The following COL12A1 variants were observed in gnomAD, a reference collection of about 807,000 sequenced individuals.
COL12A1 encodes the protein collagen type XII alpha 1 chain.
A neutral mutation model predicts 349.7 loss-of-function variants in COL12A1; 114 were observed. The ratio of observed to expected loss-of-function variants is 0.33; its 90% CI spans 0.28 to 0.38. COL12A1 has a LOEUF of 0.38. COL12A1 is among the 10% of genes least tolerant of loss of function. The probability of loss-of-function intolerance (pLI) is 1.00; values close to 1 mark genes in which losing one functional copy is unlikely to be tolerated. For synonymous variants in COL12A1, 1,369 were observed against 1,329.0 expected (o/e 1.03, Z -0.66); for missense variants, 3,284 against 3,756.9 (o/e 0.87, Z 3.29).
chr6:75,157,194 G>A (rs534862397), intron 14 of COL12A1, among the ~76,000 whole-genome samples: 11 of 151,986 alleles, frequency 7.2e-5, no homozygotes, highest in East Asian at 5.8e-4. Context: ...TATTAATAAC[G>A]CTATATGAAA....
At chr6:75,201,144 T>C (rs1178423199) in intron 2 of COL12A1, among the ~76,000 whole-genome samples, 1 of 152,212 alleles carries the variant, frequency 6.6e-6, no homozygotes, top group Non-Finnish European at 1.5e-5. Flanking sequence ...TTCTCAACTC[T>C]TTCTGATTTT....
At chr6:75,152,596 G>T in intron 17 of COL12A1, 114 bp from the exon 18 acceptor site, 2 of 1,175,372 alleles carry the variant, frequency 1.7e-6, no homozygotes, top group Admixed American at 3.8e-5. Flanking sequence ...TCAGTACTAT[G>T]GTCTAGCTCA....
At chr6:75,119,504 TAA>T in intron 44 of COL12A1, 31 bp from the exon 45 acceptor site, 1 of 1,578,034 alleles carries the variant, frequency 6.3e-7, no homozygotes, top group Non-Finnish European at 8.6e-7. Flanking sequence ...GCAGTGAGCA[TAA>T]GTCATCTCAT....
rs1768463461 is a variant in COL12A1 at position 75,104,715 on chromosome 6, T to G, written c.8265+491A>C. ...TCTGGTCATAGTCTTCTCACTCAAG[T>G]TATTCCAAACCCAGAGTTTATGATA... is the stretch of plus-strand genomic sequence containing the variant. On this transcript the variant is annotated intron_variant, in intron 54 of 65. Transcript: ENST00000322507. Among the ~76,000 whole-genome samples, 7 of 152,208 alleles carry G rather than the reference T, an allele frequency of 4.6e-5. 1 individual carries two copies. In the South Asian group the frequency reaches 1.2e-3, roughly 27 times the overall value.
intron 39 of COL12A1, among the ~76,000 whole-genome samples, 170 bp downstream of exon 39, chr6:75,126,181 T>C (rs930219321): frequency 6.6e-6 from 1 of 152,190 alleles, no homozygotes; most frequent in Admixed American, 6.6e-5. Flanking sequence ...AATGGTACTT[T>C]AGATGACTGG....
Position 75,099,369 on chromosome 6 carries a change from A to G in COL12A1, c.8524-2063T>C, listed in dbSNP as rs183048107. The stretch of plus-strand genomic sequence containing the variant: ...CCACTTAAGAAAAAAATTCCCTATA[A>G]TATTGCTTGGACAATTTGAATAAAA... On this transcript the variant is annotated intron_variant, in intron 58 of 65. Transcript: ENST00000322507. Among the ~76,000 whole-genome samples, 85 of 152,336 alleles carry G rather than the reference A, an allele frequency of 5.6e-4. 1 individual carries two copies. The highest frequency in any genetic ancestry group is 1.8e-3 in the Admixed American group (27 of 15,294).
chr6:75,123,766 A>G (rs996699064), intron 42 of COL12A1, among the ~76,000 whole-genome samples, 182 bp downstream of exon 42: 1 of 152,162 alleles, frequency 6.6e-6, no homozygotes, highest in Non-Finnish European at 1.5e-5. Flanking sequence ...ACAACTTGCA[A>G]ATTGCTACAG....
chr6:75,171,665 C>T (rs1304046691), intron 13 of COL12A1, among the ~76,000 whole-genome samples: 2 of 152,176 alleles, frequency 1.3e-5, no homozygotes, highest in Non-Finnish European at 2.9e-5. Context: ...ATTAGAAAAA[C>T]AGCAGCCCTC....
In COL12A1 at chr6:75,106,582, C is replaced by T. The variant is rs1311429394; in HGVS notation, c.8101-86G>A. 5 of 1,075,588 alleles carry T rather than the reference C, an allele frequency of 4.6e-6. No homozygotes were observed. The African/African-American group carries it at 7.8e-5, about 17-fold the overall frequency. 66.6% of individuals were successfully genotyped at this position (1,075,588 alleles called of 1,614,324 possible). A position where few individuals can be genotyped will look rare whatever the true frequency, so the allele number is the denominator to read the frequency against. On this transcript the variant is annotated intron_variant, in intron 52 of 65. Coordinates refer to ENST00000322507, the MANE Select transcript of COL12A1 (RefSeq NM_004370.6). ...TTCCACATTTTAACATTGCCAACTT[C>T]TCACACATACTCTCTCAAGGGTGTG...
chr6:75,158,209 G>T (rs1203432108), intron 14 of COL12A1, among the ~76,000 whole-genome samples: 1 of 152,106 alleles, frequency 6.6e-6, no homozygotes, highest in Non-Finnish European at 1.5e-5. Context: ...ATTTAAACAT[G>T]AGGCCTTTGT....
intron 59 of COL12A1, among the ~76,000 whole-genome samples, chr6:75,096,759 A>G (rs55778513): frequency 0.02 from 3,088 of 151,244 alleles, 90 homozygotes; most frequent in African/African-American, 0.07. Context: ...AGCCGGGCGT[A>G]GTGGCGGGCG....
At chr6:75,111,508 A>G in intron 51 of COL12A1, among the ~76,000 whole-genome samples, 1 of 151,942 alleles carries the variant, frequency 6.6e-6, no homozygotes, top group Admixed American at 6.6e-5. Context: ...TTAAAATAAC[A>G]GTTACCAAAT....
chr6:75,130,787 C>G, intron 36 of COL12A1, 65 bp downstream of exon 36: 4 of 1,595,762 alleles, frequency 2.5e-6, no homozygotes, highest in Non-Finnish European at 2.6e-6. Context: ...ACCACTCATT[C>G]AATCAGAGAA....
At chr6:75,144,846 A>G (rs1767097959) in intron 25 of COL12A1, among the ~76,000 whole-genome samples, 1 of 152,228 alleles carries the variant, frequency 6.6e-6, no homozygotes, top group South Asian at 2.1e-4. Context: ...CACTTAACTG[A>G]AACAGACTTA....
intron 42 of COL12A1, 44 bp downstream of exon 42, chr6:75,123,904 T>C: frequency 1.3e-6 from 2 of 1,578,916 alleles, no homozygotes; most frequent in Non-Finnish European, 1.7e-6. Flanking sequence ...GAGCATTCTA[T>C]TCTAAAGCCT....
rs780006734 is a variant in COL12A1 at position 75,145,355 on chromosome 6, C to T, written c.4661G>A (p.Ser1554Asn). The T allele has an allele frequency of 6.2e-7, 1 of 1,613,186 alleles. No homozygotes were observed. The highest frequency in any genetic ancestry group is 1.7e-5 in the Admixed American group (1 of 59,998). Residue 1554 changes from serine (S) to asparagine (N), a missense_variant, in exon 25 of 66, where the codon AGT (serine) becomes AAT (asparagine). Around this residue, in one of 2 missense-constraint regions of COL12A1, gnomAD observed 2,601 missense variants for 2,824.8 expected, o/e 0.92. Coordinates refer to ENST00000322507, the MANE Select transcript of COL12A1 (RefSeq NM_004370.6). ...GACTTCCCGAACAGTGACAGGTTCACTAGTGAGGTCGTGCAGGACAGCCTG... is the reference window on the plus strand; with the variant it reads ...GACTTCCCGAACAGTGACAGGTTCATTAGTGAGGTCGTGCAGGACAGCCTG... Reference protein sequence around the residue: ...TVQAVLHDLTSEPVTVREVTL... With the variant: ...TVQAVLHDLTNEPVTVREVTL...
At chr6:75,120,118 G>T (rs558368400) in intron 44 of COL12A1, among the ~76,000 whole-genome samples, 1 of 152,052 alleles carries the variant, frequency 6.6e-6, no homozygotes, top group Admixed American at 6.6e-5. Flanking sequence ...AAAGTAACTG[G>T]TACATAGATG....
At chr6:75,129,893 A>T (rs1161914040) in intron 37 of COL12A1, among the ~76,000 whole-genome samples, 198 bp downstream of exon 37, 1 of 152,070 alleles carries the variant, frequency 6.6e-6, no homozygotes, top group Non-Finnish European at 1.5e-5. Context: ...GCCCAAAGAC[A>T]TTGCTTCTCT....
rs1387157172 is a variant in COL12A1, at chr6:75,151,998, A to C, written c.3869T>G (p.Phe1290Cys). 1 of 1,613,858 alleles carries C rather than the reference A, an allele frequency of 6.2e-7. No homozygotes were observed. The highest frequency in any genetic ancestry group is 8.5e-7 in the Non-Finnish European group (1 of 1,179,814). ...MALNFIRQQN[F>C]RTQAGMRPRA... The stretch of plus-strand genomic sequence containing the variant: ...AGGTCTCATGCCAGCTTGGGTCCTG[A>C]AGTTCTGTTGGCGAATGAAATTCAA... Residue 1290 changes from phenylalanine to cysteine, a missense_variant, in exon 20 of 66, where the codon TTC becomes TGC. Physicochemically the swap from Phe to Cys is radical, Grantham distance 205. Around this residue, in one of 2 missense-constraint regions of COL12A1, gnomAD observed 2,601 missense variants for 2,824.8 expected, o/e 0.92. Coordinates refer to ENST00000322507, the MANE Select transcript of COL12A1 (RefSeq NM_004370.6).
Sources: allele counts gnomAD v4.1 joint callset (sites outside exome capture counted in the v4.1 genomes callset), GRCh38; gene constraint gnomAD v4.1.1; regional missense constraint gnomAD v4.1.1; transcripts MANE v1.5; gene names NCBI Gene and HGNC (gene_info 2026-07-23, HGNC 2026-07-21).